Variants in WDR7 observed in about 807,000 individuals in gnomAD.
WDR7 encodes the protein WD repeat domain 7.
Under a neutral mutation model 169.4 loss-of-function variants are expected in WDR7, and 46 were observed. The observed-to-expected ratio is 0.27, with a 90% CI of 0.21 to 0.35. The LOEUF is 0.35. Ranked by LOEUF, WDR7 falls within the 10% of genes least tolerant of loss-of-function variation. The probability of loss-of-function intolerance (pLI) is 1.00; values close to 1 mark genes in which losing one functional copy is unlikely to be tolerated. For synonymous variants in WDR7, 612 were observed against 666.8 expected (o/e 0.92, Z 1.27); for missense variants, 1,534 against 1,859.3 (o/e 0.83, Z 3.22).
At chr18:56,878,908 G>A (rs1323989913) in intron 20 of WDR7, among the ~76,000 whole-genome samples, 2 of 152,046 alleles carry the variant, frequency 1.3e-5, no homozygotes, top group Non-Finnish European at 2.9e-5. Context: ...TTTTATTGCT[G>A]AGTAATCTAA....
At position 56,923,910 on chromosome 18, in the gene WDR7, C is replaced by G; in HGVS notation, c.3527-12C>G. The G allele has an allele frequency of 6.6e-7, 1 of 1,524,752 alleles. No individual in the cohort carries two copies. Among genetic ancestry groups the G allele is most frequent in the Non-Finnish European group, 8.8e-7 (1 of 1,140,196 alleles). 94.5% of individuals were successfully genotyped at this position (1,524,752 alleles called of 1,614,324 possible). A position where few individuals can be genotyped will look rare whatever the true frequency, so the allele number is the denominator to read the frequency against. On this transcript the variant is annotated splice_polypyrimidine_tract_variant and intron_variant, in intron 21 of 27. Transcript: ENST00000254442. Reference sequence around the variant, plus strand: ...TTCCCCTTTTGCTCTGCATTTTATTCTATAATTTCAGGCAAGGCACTGACG... The same window carrying G: ...TTCCCCTTTTGCTCTGCATTTTATTGTATAATTTCAGGCAAGGCACTGACG...
At chr18:56,867,342 T>C (rs2045896613) in intron 20 of WDR7, among the ~76,000 whole-genome samples, 1 of 152,142 alleles carries the variant, frequency 6.6e-6, no homozygotes, top group African/African-American at 2.4e-5. Context: ...CAGCATAAAA[T>C]TTTTTTAAAA....
intron 14 of WDR7, among the ~76,000 whole-genome samples, chr18:56,732,642 C>A (rs895538275): frequency 6.6e-6 from 1 of 152,166 alleles, no homozygotes; most frequent in African/African-American, 2.4e-5. Context: ...AATGTTTTAT[C>A]AGCTATGTTG....
intron 12 of WDR7, among the ~76,000 whole-genome samples, chr18:56,715,404 A>G (rs1299886492): frequency 1.3e-5 from 2 of 152,228 alleles, no homozygotes; most frequent in Admixed American, 6.5e-5. Flanking sequence ...TGACTAGAGT[A>G]TATGTGAGCA....
At chr18:56,872,123 C>G (rs2045961190) in intron 20 of WDR7, among the ~76,000 whole-genome samples, 1 of 152,072 alleles carries the variant, frequency 6.6e-6, no homozygotes, top group South Asian at 2.1e-4. Context: ...TGCTAGTAGT[C>G]CATCTCTCAT....
intron 19 of WDR7, among the ~76,000 whole-genome samples, chr18:56,812,720 G>A (rs1386855385): frequency 6.6e-6 from 1 of 151,990 alleles, no homozygotes; most frequent in East Asian, 1.9e-4. Context: ...GATGTCCAAG[G>A]GCAGAAGAAA....
chr18:56,926,565 G>C (rs1355452243), intron 22 of WDR7, among the ~76,000 whole-genome samples: 1 of 152,162 alleles, frequency 6.6e-6, no homozygotes, highest in Non-Finnish European at 1.5e-5. Context: ...GTACCAGCAA[G>C]CATAAAGATG....
chr18:56,940,516 A>G (rs1301682693), intron 25 of WDR7, among the ~76,000 whole-genome samples: 8 of 152,216 alleles, frequency 5.3e-5, no homozygotes, highest in Non-Finnish European at 1.2e-4. Context: ...GGGGTTTGGC[A>G]AATTAGAATA....
chr18:56,731,966 T>A (rs1025603219), intron 14 of WDR7, among the ~76,000 whole-genome samples: 1 of 152,202 alleles, frequency 6.6e-6, no homozygotes, highest in Non-Finnish European at 1.5e-5. Flanking sequence ...ACAATTAAGA[T>A]GTCTGTAATT....
At chr18:56,756,514 T>C in intron 14 of WDR7, 69 bp from the exon 15 acceptor site, 2 of 1,269,220 alleles carry the variant, frequency 1.6e-6, no homozygotes, top group Non-Finnish European at 1.1e-6. Context: ...GATTATTTAT[T>C]GTTTATTAAT....
intron 20 of WDR7, among the ~76,000 whole-genome samples, chr18:56,829,197 A>AATGATCACT (rs2045267094): frequency 6.6e-6 from 1 of 151,804 alleles, no homozygotes; most frequent in African/African-American, 2.4e-5. Context: ...GCTGAGACAA[A>AATGATCACT]ATGATCACTA....
intron 2 of WDR7, among the ~76,000 whole-genome samples, chr18:56,678,130 C>G (rs1488446452): frequency 2.0e-5 from 3 of 152,142 alleles, no homozygotes; most frequent in Admixed American, 1.3e-4. Context: ...ATTTCAGTCT[C>G]TTAAATTTGT....
At chr18:56,661,300 T>C (rs1234600706) in intron 1 of WDR7, among the ~76,000 whole-genome samples, 1 of 152,128 alleles carries the variant, frequency 6.6e-6, no homozygotes, top group Non-Finnish European at 1.5e-5. Flanking sequence ...ATAATGGGCT[T>C]TTAGCTTAAT....
At chr18:57,009,604 T>C (rs1425534934) in intron 26 of WDR7, among the ~76,000 whole-genome samples, 1 of 152,202 alleles carries the variant, frequency 6.6e-6, no homozygotes, top group Non-Finnish European at 1.5e-5. Context: ...AAATCTGTAA[T>C]GTGTCCTAGT....
chr18:56,919,565 T>C (rs1330403233), intron 21 of WDR7, among the ~76,000 whole-genome samples: 5 of 152,198 alleles, frequency 3.3e-5, no homozygotes, highest in Admixed American at 3.3e-4. Context: ...TTGGGATTGG[T>C]TGTAGATGTA....
intron 20 of WDR7, among the ~76,000 whole-genome samples, chr18:56,830,394 G>T (rs2045287446): frequency 6.6e-6 from 1 of 152,144 alleles, no homozygotes; most frequent in Admixed American, 6.5e-5. Flanking sequence ...TGTCAAACTT[G>T]CTCAAGCATC....
intron 26 of WDR7, among the ~76,000 whole-genome samples, chr18:57,002,108 T>C (rs1298383142): frequency 6.6e-6 from 1 of 152,168 alleles, no homozygotes; most frequent in Non-Finnish European, 1.5e-5. Flanking sequence ...CATAATAATA[T>C]CTATATTTTT....
intron 20 of WDR7, among the ~76,000 whole-genome samples, chr18:56,826,711 A>G (rs781173749): frequency 1.3e-5 from 2 of 152,324 alleles, no homozygotes; most frequent in Middle Eastern, 6.8e-3. Context: ...CTAAATAAAG[A>G]TGGATGAATT....
At chr18:56,860,414 A>G (rs2045786351) in intron 20 of WDR7, among the ~76,000 whole-genome samples, 2 of 152,064 alleles carry the variant, frequency 1.3e-5, no homozygotes, top group South Asian at 2.1e-4. Flanking sequence ...CTTAAATTTG[A>G]TCTATGTTTA....
Sources: allele counts gnomAD v4.1 joint callset (sites outside exome capture counted in the v4.1 genomes callset), GRCh38; gene constraint gnomAD v4.1.1; transcripts MANE v1.5; gene names NCBI Gene and HGNC (gene_info 2026-07-23, HGNC 2026-07-21).